Variants in BRD10 observed in about 807,000 individuals in gnomAD.
The protein encoded by BRD10 is uncharacterized bromodomain-containing protein 10.
At chr9:5,885,537 A>AT in the BRD10 span, among the ~76,000 whole-genome samples, 1 of 151,776 alleles carries the variant, frequency 6.6e-6, no homozygotes, top group Non-Finnish European at 1.5e-5. Flanking sequence ...CGCCCGGCTA[A>AT]TTTTTTTGTA....
chr9:5,978,796 T>C, the BRD10 span, among the ~76,000 whole-genome samples: 2 of 152,198 alleles, frequency 1.3e-5, no homozygotes, highest in African/African-American at 4.8e-5. Context: ...AAACTCCTAC[T>C]ACCACCTTTA....
At chr9:5,939,587 G>C in the BRD10 span, among the ~76,000 whole-genome samples, 1 of 152,182 alleles carries the variant, frequency 6.6e-6, no homozygotes, top group Non-Finnish European at 1.5e-5. Context: ...TTCTCTCTAT[G>C]ATGGGATCTG....
chr9:5,899,458 G>A, the BRD10 span, among the ~76,000 whole-genome samples: 1 of 152,188 alleles, frequency 6.6e-6, no homozygotes, highest in African/African-American at 2.4e-5. Context: ...AAGTCTGGGG[G>A]CTGACACACC....
chr9:5,955,561 C>T, the BRD10 span, among the ~76,000 whole-genome samples: 1 of 152,058 alleles, frequency 6.6e-6, no homozygotes, highest in Non-Finnish European at 1.5e-5. Flanking sequence ...TTAATCATAT[C>T]GCAGAACTGT....
chr9:5,977,618 TG>T, the BRD10 span, among the ~76,000 whole-genome samples: 2 of 152,096 alleles, frequency 1.3e-5, no homozygotes, highest in African/African-American at 4.8e-5. Context: ...GAGGCTGAGG[TG>T]GGCAGATCAC....
chr9:5,974,523 GC>G, the BRD10 span, among the ~76,000 whole-genome samples: 1 of 152,160 alleles, frequency 6.6e-6, no homozygotes, highest in African/African-American at 2.4e-5. Flanking sequence ...TCAGTTTATT[GC>G]CTTGAAAGAG....
At chr9:5,908,402 A>C in the BRD10 span, among the ~76,000 whole-genome samples, 1 of 152,200 alleles carries the variant, frequency 6.6e-6, no homozygotes, top group Non-Finnish European at 1.5e-5. Flanking sequence ...AGGTATAGCT[A>C]AGCTTTTGAG....
At chr9:5,962,235 G>A in the BRD10 span, among the ~76,000 whole-genome samples, 13 of 149,036 alleles carry the variant, frequency 8.7e-5, no homozygotes, top group African/African-American at 2.2e-4. Flanking sequence ...TATCACCACC[G>A]ATCCCACAGA....
chr9:5,926,395 C>A, the BRD10 span, among the ~76,000 whole-genome samples: 2 of 152,058 alleles, frequency 1.3e-5, no homozygotes, highest in Non-Finnish European at 2.9e-5. Context: ...GTAACCTCCA[C>A]CTCCCAGGAT....
chr9:5,984,408 C>T, the BRD10 span, among the ~76,000 whole-genome samples: 1 of 152,106 alleles, frequency 6.6e-6, no homozygotes, highest in African/African-American at 2.4e-5. Context: ...TAAAGCACAT[C>T]CTGTAAATCC....
the BRD10 span, among the ~76,000 whole-genome samples, chr9:5,879,055 CAGG>C: frequency 2.6e-5 from 4 of 152,196 alleles, no homozygotes; most frequent in African/African-American, 9.7e-5. Context: ...TATTGACTTC[CAGG>C]GTTGTTCTGA....
chr9:5,975,638 A>G, the BRD10 span, among the ~76,000 whole-genome samples: 1 of 152,138 alleles, frequency 6.6e-6, no homozygotes, highest in Non-Finnish European at 1.5e-5. Context: ...CAGATTAGAC[A>G]CGGCAGAAGA....
chr9:5,954,332 C>T, the BRD10 span, among the ~76,000 whole-genome samples: 32 of 152,144 alleles, frequency 2.1e-4, no homozygotes, highest in Non-Finnish European at 4.0e-4. Flanking sequence ...GAACGATTAC[C>T]ATCTCCAATG....
the BRD10 span, among the ~76,000 whole-genome samples, chr9:5,960,499 T>G: frequency 2.0e-5 from 3 of 150,256 alleles, no homozygotes; most frequent in African/African-American, 4.9e-5. Flanking sequence ...GAGGTGGAGG[T>G]TGCAGTGAGC....
At chr9:5,931,397 T>C in the BRD10 span, among the ~76,000 whole-genome samples, 17 of 152,218 alleles carry the variant, frequency 1.1e-4, no homozygotes, top group African/African-American at 4.1e-4. Flanking sequence ...TTTTAAAAGA[T>C]TAGAAAGTTT....
the BRD10 span, chr9:5,988,560 A>C: frequency 1.2e-6 from 2 of 1,600,232 alleles, no homozygotes; most frequent in African/African-American, 2.7e-5. Flanking sequence ...GAGAAGAATA[A>C]GTCAATTCAC....
At chr9:5,951,066 A>C in the BRD10 span, among the ~76,000 whole-genome samples, 859 of 147,568 alleles carry the variant, frequency 5.8e-3, 11 homozygotes, top group African/African-American at 0.022. Context: ...ACACACACAC[A>C]CACACACACA....
the BRD10 span, among the ~76,000 whole-genome samples, chr9:5,883,462 C>CTTTTTTTTTTTTTT: frequency 6.8e-5 from 7 of 102,406 alleles, no homozygotes; most frequent in East Asian, 3.0e-4. Context: ...CCTTCTTCTT[C>CTTTTTTTTTTTTTT]TTTTTTTTTT....
chr9:5,965,385 A>C, the BRD10 span, among the ~76,000 whole-genome samples: 2 of 152,198 alleles, frequency 1.3e-5, no homozygotes, highest in African/African-American at 4.8e-5. Context: ...CAGAGTCTTT[A>C]ATAAACAGGC....
Sources: gnomAD v4.1 joint callset for allele counts (sites outside exome capture counted in the v4.1 genomes callset) on GRCh38, gnomAD v4.1.1 for gene constraint, MANE v1.5 for transcripts, NCBI Gene and HGNC (gene_info 2026-07-23, HGNC 2026-07-21) for gene names.